SMC5: variants seen among roughly 807,000 people sequenced by gnomAD.
The protein encoded by SMC5 is structural maintenance of chromosomes 5, also known as structural maintenance of chromosomes protein 5.
Under a neutral mutation model 148.3 loss-of-function variants are expected in SMC5, and 88 were observed. The observed-to-expected ratio is 0.59, with a 90% CI of 0.50 to 0.71. The LOEUF is 0.71. SMC5 is among the 30% of genes least tolerant of loss of function. The pLI, the probability that SMC5 is intolerant of heterozygous loss-of-function variation, is 0.00. For synonymous variants in SMC5, 421 were observed against 432.8 expected, an observed-to-expected ratio of 0.97 and a Z score of 0.34; for missense variants, 1,142 against 1,298.9, an observed-to-expected ratio of 0.88 and a Z score of 1.86.
chr9:70,349,506 A>G (rs1452659085), intron 22 of SMC5, among the ~76,000 whole-genome samples: 1 of 152,214 alleles, frequency 6.6e-6, no homozygotes, highest in Non-Finnish European at 1.5e-5. Context: ...TACAACAAAT[A>G]TTTATTGAGC....
chr9:70,294,219 T>A (rs373033444), intron 8 of SMC5, among the ~76,000 whole-genome samples: 1 of 152,134 alleles, frequency 6.6e-6, no homozygotes, highest in Non-Finnish European at 1.5e-5. Flanking sequence ...CAATAAAGGA[T>A]TGAATGAGCA....
chr9:70,329,910 G>A lies in SMC5; in HGVS notation c.2397+5767G>A, dbSNP rs904034247. On this transcript the variant is annotated intron_variant, in intron 17 of 24. Coordinates refer to ENST00000361138, the MANE Select transcript of SMC5 (RefSeq NM_015110.4). ...TCAGGAAACTTAAAATCATAGGGAA[G>A]GTGAAGAGGAATCAGGCACGTCTTA... is the stretch of plus-strand genomic sequence containing the variant. Among the ~76,000 whole-genome samples the A allele has an allele frequency of 5.9e-5, 9 of 152,274 alleles. No homozygotes were observed. The South Asian group carries it at 6.2e-4, about 11-fold the overall frequency.
chr9:70,289,064 G>T (rs79186171), intron 8 of SMC5, among the ~76,000 whole-genome samples: 5,313 of 152,146 alleles, frequency 0.035, 125 homozygotes, highest in Non-Finnish European at 0.054. Flanking sequence ...ATGAGACGGA[G>T]TCTTGCTCTG....
chr9:70,293,632 C>T (rs192148808), intron 8 of SMC5, among the ~76,000 whole-genome samples: 5 of 152,114 alleles, frequency 3.3e-5, no homozygotes, highest in Admixed American at 2.6e-4. Flanking sequence ...TTGATATGTG[C>T]TATTTTTGTT....
chr9:70,302,854 C>T (rs1020551717), intron 10 of SMC5, among the ~76,000 whole-genome samples: 1 of 152,094 alleles, frequency 6.6e-6, no homozygotes, highest in Admixed American at 6.5e-5. Context: ...AGGTGAAATC[C>T]GTCAAAGAAT....
At chr9:70,347,774 A>G in intron 21 of SMC5, 57 bp downstream of exon 21, 1 of 1,283,122 alleles carries the variant, frequency 7.8e-7, no homozygotes, top group Non-Finnish European at 1.1e-6. Context: ...ATGGGAATGT[A>G]GAATAATGGA....
At chr9:70,335,939 A>T in intron 17 of SMC5, among the ~76,000 whole-genome samples, 1 of 152,248 alleles carries the variant, frequency 6.6e-6, no homozygotes, top group Non-Finnish European at 1.5e-5. Flanking sequence ...GAAGAGTAAC[A>T]TAACATCCAT....
chr9:70,342,352 C>A (rs568845004), intron 17 of SMC5, among the ~76,000 whole-genome samples: 2 of 151,736 alleles, frequency 1.3e-5, no homozygotes, highest in Non-Finnish European at 2.9e-5. Context: ...AACTAACCTG[C>A]ACATTGTGCA....
chr9:70,316,728 AAGG>A (rs2035812077), intron 13 of SMC5, among the ~76,000 whole-genome samples: 1 of 152,076 alleles, frequency 6.6e-6, no homozygotes, highest in African/African-American at 2.4e-5. Context: ...TTGGGGCAGA[AAGG>A]AGCAATTACT....
intron 2 of SMC5, among the ~76,000 whole-genome samples, chr9:70,264,753 A>G (rs990476197): frequency 1.2e-4 from 19 of 152,188 alleles, no homozygotes; most frequent in Non-Finnish European, 2.6e-4. Context: ...CAGAAACAAA[A>G]TCCAGTCATA....
At chr9:70,276,096 G>T (rs1290493338) in intron 3 of SMC5, among the ~76,000 whole-genome samples, 1 of 152,222 alleles carries the variant, frequency 6.6e-6, no homozygotes, top group East Asian at 1.9e-4. Flanking sequence ...ACTTCTGCCA[G>T]AGACCATTGA....
chr9:70,310,534 G>A (rs1358321752), intron 11 of SMC5, among the ~76,000 whole-genome samples: 1 of 152,156 alleles, frequency 6.6e-6, no homozygotes, highest in Admixed American at 6.5e-5. Flanking sequence ...AGTAGATTTA[G>A]CATAATTCTA....
intron 2 of SMC5, among the ~76,000 whole-genome samples, chr9:70,266,349 G>T (rs138782838): frequency 6.6e-6 from 1 of 152,148 alleles, no homozygotes; most frequent in Non-Finnish European, 1.5e-5. Context: ...CAATTATCTG[G>T]ACTTCAGTTT....
intron 1 of SMC5, 70 bp from the exon 2 acceptor site, chr9:70,264,234 A>C: frequency 7.0e-7 from 1 of 1,425,324 alleles, no homozygotes; most frequent in East Asian, 2.4e-5. Context: ...GAGGAAGCTC[A>C]TAGATAATGT....
chr9:70,296,570 A>G (rs375729343), intron 8 of SMC5, among the ~76,000 whole-genome samples: 1 of 151,414 alleles, frequency 6.6e-6, no homozygotes, highest in Non-Finnish European at 1.5e-5. Context: ...AAAAAAAGGT[A>G]AAAGTTTAAG....
intron 17 of SMC5, among the ~76,000 whole-genome samples, chr9:70,343,855 A>C (rs993473795): frequency 6.6e-6 from 1 of 152,026 alleles, no homozygotes; most frequent in Non-Finnish European, 1.5e-5. Context: ...ATAAATAAAT[A>C]TAATTACATG....
intron 18 of SMC5, 129 bp from the exon 19 acceptor site, chr9:70,346,476 G>A (rs1306726976): frequency 1.1e-6 from 1 of 921,150 alleles, no homozygotes; most frequent in Non-Finnish European, 1.7e-6. Context: ...GTACTGTGGT[G>A]AAATTCAACT....
chr9:70,300,880 A>T (rs980975842), intron 10 of SMC5, among the ~76,000 whole-genome samples: 5 of 152,152 alleles, frequency 3.3e-5, no homozygotes, highest in African/African-American at 1.2e-4. Flanking sequence ...TTATCCTAAG[A>T]TTACATAAGG....
intron 3 of SMC5, among the ~76,000 whole-genome samples, chr9:70,275,537 T>C (rs2034567022): frequency 6.6e-6 from 1 of 152,114 alleles, no homozygotes; most frequent in Admixed American, 6.5e-5. Context: ...GATCTTAGTT[T>C]ATTTGATAGT....
Sources: allele counts gnomAD v4.1 joint callset (sites outside exome capture counted in the v4.1 genomes callset), GRCh38; gene constraint gnomAD v4.1.1; transcripts MANE v1.5; gene names NCBI Gene and HGNC (gene_info 2026-07-23, HGNC 2026-07-21).